ADAMTS9: variants seen among roughly 807,000 people sequenced by gnomAD.
The protein encoded by ADAMTS9 is A disintegrin and metalloproteinase with thrombospondin motifs 9.
Under a neutral mutation model 257.1 loss-of-function variants are expected in ADAMTS9, and 107 were observed. The observed-to-expected ratio is 0.42, with a 90% CI of 0.36 to 0.49. The LOEUF is 0.49. ADAMTS9 is among the 20% of genes least tolerant of loss of function. The pLI is 0.03. For missense variants in ADAMTS9, 2,353 were observed against 2,469.1 expected, an observed-to-expected ratio of 0.95 and a Z score of 1.00; for synonymous variants, 982 against 880.9, an observed-to-expected ratio of 1.11 and a Z score of -2.03.
At chr3:64,577,256 G>A (rs2083877950) in intron 28 of ADAMTS9, among the ~76,000 whole-genome samples, 1 of 152,122 alleles carries the variant, frequency 6.6e-6, no homozygotes, top group Non-Finnish European at 1.5e-5. Context: ...TCACCAGGCA[G>A]TGTTACCCCT....
intron 28 of ADAMTS9, among the ~76,000 whole-genome samples, chr3:64,579,654 G>A (rs1303926217): frequency 6.6e-6 from 1 of 152,068 alleles, no homozygotes; most frequent in Non-Finnish European, 1.5e-5. Flanking sequence ...TTTATGGAAT[G>A]TCCAAATGAA....
chr3:64,519,381 G>T (rs1023113468), intron 39 of ADAMTS9, among the ~76,000 whole-genome samples: 3 of 152,010 alleles, frequency 2.0e-5, no homozygotes, highest in Non-Finnish European at 4.4e-5. Context: ...GCAAAGAGCT[G>T]GTACCAATCC....
At chr3:64,644,932 A>C (rs1441289279) in intron 11 of ADAMTS9, among the ~76,000 whole-genome samples, 1 of 152,188 alleles carries the variant, frequency 6.6e-6, no homozygotes, top group African/African-American at 2.4e-5. Context: ...AAAACTTCTA[A>C]TTCAAAACTG....
intron 16 of ADAMTS9, among the ~76,000 whole-genome samples, chr3:64,630,236 C>G (rs1031811579): frequency 1.3e-5 from 2 of 152,122 alleles, no homozygotes; most frequent in Non-Finnish European, 2.9e-5. Flanking sequence ...GCAAATTTCA[C>G]AATCACTTAC....
At chr3:64,528,755 C>T (rs2082941500) in intron 38 of ADAMTS9, among the ~76,000 whole-genome samples, 1 of 152,190 alleles carries the variant, frequency 6.6e-6, no homozygotes, top group Admixed American at 6.5e-5. Flanking sequence ...GCTATTTGCC[C>T]AGTAGGATAC....
chr3:64,535,462 GT>G (rs2083037350), intron 37 of ADAMTS9, among the ~76,000 whole-genome samples: 1 of 151,500 alleles, frequency 6.6e-6, no homozygotes, highest in Non-Finnish European at 1.5e-5. Flanking sequence ...ATGCTCAGGT[GT>G]TTTTGATTGT....
chr3:64,675,573 C>T (rs1216176402), intron 3 of ADAMTS9, among the ~76,000 whole-genome samples: 7 of 152,178 alleles, frequency 4.6e-5, no homozygotes, highest in Non-Finnish European at 8.8e-5. Flanking sequence ...AAGCTATGAT[C>T]GCGCCACTGC....
intron 9 of ADAMTS9, 87 bp from the exon 10 acceptor site, chr3:64,649,865 T>A (rs1416822131): frequency 6.9e-7 from 1 of 1,455,412 alleles, no homozygotes; most frequent in Non-Finnish European, 9.3e-7. Context: ...ACCCCACCAT[T>A]GTAATGGTAG....
At chr3:64,567,713 C>T (rs17071109) in intron 29 of ADAMTS9, among the ~76,000 whole-genome samples, 1,522 of 152,088 alleles carry the variant, frequency 0.01, 31 homozygotes, top group African/African-American at 0.033. Context: ...TTCTCCATCC[C>T]ATACACACAT....
At chr3:64,630,788 T>A (rs1700349684) in intron 16 of ADAMTS9, among the ~76,000 whole-genome samples, 1 of 151,982 alleles carries the variant, frequency 6.6e-6, no homozygotes, top group Admixed American at 6.6e-5. Context: ...AGTTAAAAAA[T>A]AAAAAAATAA....
At chr3:64,651,341 A>C (rs1354084017) in intron 8 of ADAMTS9, among the ~76,000 whole-genome samples, 178 bp from the exon 9 acceptor site, 1 of 152,112 alleles carries the variant, frequency 6.6e-6, no homozygotes, top group Non-Finnish European at 1.5e-5. Flanking sequence ...TGTAGATTAA[A>C]ACATAATTCT....
intron 32 of ADAMTS9, 106 bp from the exon 33 acceptor site, chr3:64,542,076 C>G: frequency 7.7e-6 from 11 of 1,420,704 alleles, no homozygotes; most frequent in Non-Finnish European, 1.1e-5. Context: ...CAGGGTGTCA[C>G]TTCAGACCCT....
At chr3:64,657,490 C>T (rs948685654) in intron 4 of ADAMTS9, among the ~76,000 whole-genome samples, 1 of 148,992 alleles carries the variant, frequency 6.7e-6, no homozygotes, top group Admixed American at 6.7e-5. Context: ...AGGTATATGC[C>T]ACTACACCTG....
chr3:64,662,910 T>C (rs958432231), intron 3 of ADAMTS9, among the ~76,000 whole-genome samples: 2 of 152,122 alleles, frequency 1.3e-5, no homozygotes, highest in African/African-American at 4.8e-5. Flanking sequence ...CTTTATTTCA[T>C]GCACACAATT....
At chr3:64,625,317 A>G (rs372976088) in intron 16 of ADAMTS9, among the ~76,000 whole-genome samples, 1 of 152,220 alleles carries the variant, frequency 6.6e-6, no homozygotes, top group East Asian at 1.9e-4. Flanking sequence ...CTCATCTTTC[A>G]TTGATGCAGG....
At chr3:64,663,546 T>A (rs1305743088) in intron 3 of ADAMTS9, among the ~76,000 whole-genome samples, 1 of 151,424 alleles carries the variant, frequency 6.6e-6, no homozygotes, top group Non-Finnish European at 1.5e-5. Flanking sequence ...CAAGAAAACC[T>A]GCAGATGAAT....
intron 22 of ADAMTS9, among the ~76,000 whole-genome samples, chr3:64,612,014 T>C (rs2106834543): frequency 6.6e-6 from 1 of 152,358 alleles, no homozygotes; most frequent in East Asian, 1.9e-4. Context: ...ACAATATTAA[T>C]TTAAAAAATA....
chr3:64,639,857 A>G (rs1297516229), intron 12 of ADAMTS9, among the ~76,000 whole-genome samples: 1 of 152,142 alleles, frequency 6.6e-6, no homozygotes, highest in East Asian at 1.9e-4. Flanking sequence ...TATGATACTT[A>G]TTTTATATTA....
rs1016144077 is a variant in ADAMTS9, at chr3:64,551,200, T to C, written c.4699-138A>G. On this transcript the variant is annotated intron_variant, in intron 30 of 39. Transcript: ENST00000498707. ...AGGGATTGCCAGAGAACTTCTCGTT[T>C]TTTTGTTTTTTTGGTTTTATTTTTT... is the stretch of plus-strand genomic sequence containing the variant. 8 of 1,009,876 alleles carry C rather than the reference T, an allele frequency of 7.9e-6. No homozygotes were observed. In the Middle Eastern group the frequency reaches 7.9e-4, roughly 100 times the overall value. The allele number at this position is 1,009,876 out of a possible 1,614,324, so 62.6% of individuals were successfully genotyped here.
Sources: gnomAD v4.1 joint callset for allele counts (sites outside exome capture counted in the v4.1 genomes callset) on GRCh38, gnomAD v4.1.1 for gene constraint, MANE v1.5 for transcripts, NCBI Gene and HGNC (gene_info 2026-07-23, HGNC 2026-07-21) for gene names.